Variants in PTPRZ1 observed in about 807,000 individuals in gnomAD.
PTPRZ1 encodes protein tyrosine phosphatase receptor type Z1.
A neutral mutation model predicts 214.1 loss-of-function variants in PTPRZ1; 82 were observed. The ratio of observed to expected loss-of-function variants is 0.38; its 90% CI spans 0.32 to 0.46. PTPRZ1 has a LOEUF of 0.46. Among genes scored for constraint, PTPRZ1 ranks in the 20% least tolerant of loss-of-function variants. The pLI is 1.00. For missense variants in PTPRZ1, 2,603 were observed against 2,748.7 expected (o/e 0.95, Z 1.19); for synonymous variants, 945 against 987.9 (o/e 0.96, Z 0.81).
At chr7:121,952,084 G>A (rs1207222448) in intron 2 of PTPRZ1, among the ~76,000 whole-genome samples, 1 of 151,642 alleles carries the variant, frequency 6.6e-6, no homozygotes, top group South Asian at 2.1e-4. Context: ...TCAGCCTCCC[G>A]AGTAGCTGGG....
intron 2 of PTPRZ1, among the ~76,000 whole-genome samples, chr7:121,938,284 A>AC (rs556045387): frequency 3.7e-4 from 56 of 152,128 alleles, no homozygotes; most frequent in African/African-American, 1.0e-3. Context: ...AAGAAATCTC[A>AC]CCCCCCCATA....
chr7:122,037,145 G>C (rs1799572385), intron 18 of PTPRZ1, among the ~76,000 whole-genome samples: 1 of 151,940 alleles, frequency 6.6e-6, no homozygotes, highest in African/African-American at 2.4e-5. Context: ...CGTTGTGGCG[G>C]GCGCCTGTAG....
At chr7:121,886,043 G>A (rs1469166725) in intron 1 of PTPRZ1, among the ~76,000 whole-genome samples, 2 of 152,112 alleles carry the variant, frequency 1.3e-5, no homozygotes, top group African/African-American at 4.8e-5. Context: ...GGGGAGTGCT[G>A]GTTTTTAAAA....
intron 2 of PTPRZ1, among the ~76,000 whole-genome samples, chr7:121,933,219 A>G (rs1436079796): frequency 6.6e-6 from 1 of 151,670 alleles, no homozygotes; most frequent in Non-Finnish European, 1.5e-5. Context: ...ACATAGCCCA[A>G]GATTATCCTA....
chr7:121,873,184 G>A lies in PTPRZ1; in HGVS notation c.-316G>A, dbSNP rs953661594. 4.9e-6 allele frequency: 2 copies of A among 409,590 alleles called. No individual in the cohort carries two copies. Among genetic ancestry groups the A allele is most frequent in the Non-Finnish European group, 8.6e-6 (2 of 232,912 alleles). 25.4% of individuals were successfully genotyped at this position (409,590 alleles called of 1,614,324 possible). A position where few individuals can be genotyped will look rare whatever the true frequency, so the allele number is the denominator to read the frequency against. ...TCAGACCGCGGCCGCCGCAGCCGGC[G>A]AAAGAGGCAAAGTCCCGCACGCCGG... On this transcript the variant is annotated 5_prime_UTR_variant, in exon 1 of 30. Coordinates refer to ENST00000393386, the MANE Select transcript of PTPRZ1 (RefSeq NM_002851.3).
intron 1 of PTPRZ1, among the ~76,000 whole-genome samples, chr7:121,912,785 A>G (rs1044153665): frequency 7.2e-5 from 11 of 152,118 alleles, no homozygotes; most frequent in African/African-American, 2.4e-4. Flanking sequence ...GGTGAAGAGG[A>G]GGGAACTTGC....
intron 1 of PTPRZ1, chr7:121,908,814 T>C (rs566267273): frequency 5.3e-5 from 26 of 490,460 alleles, no homozygotes; most frequent in Non-Finnish European, 1.0e-4. Flanking sequence ...TGAGATACTC[T>C]TGGATAAGGA....
At chr7:121,894,965 T>C (rs887211660) in intron 1 of PTPRZ1, among the ~76,000 whole-genome samples, 1 of 152,216 alleles carries the variant, frequency 6.6e-6, no homozygotes, top group Non-Finnish European at 1.5e-5. Flanking sequence ...AGTTAGTTCT[T>C]ACTTGAGAGT....
At chr7:122,023,407 T>G (rs1283729455) in intron 13 of PTPRZ1, among the ~76,000 whole-genome samples, 1 of 148,978 alleles carries the variant, frequency 6.7e-6, no homozygotes, top group East Asian at 1.9e-4. Flanking sequence ...CTAGATCATC[T>G]TTAAGATTGT....
chr7:122,030,156 A>G (rs1418068763), intron 14 of PTPRZ1, among the ~76,000 whole-genome samples: 1 of 152,054 alleles, frequency 6.6e-6, no homozygotes, highest in East Asian at 1.9e-4. Context: ...GAGTGTCAAA[A>G]GAGTGGTGAT....
In PTPRZ1 at chr7:121,940,044, C is replaced by T. The variant is rs1356859787; in HGVS notation, c.124+11823C>T. Among the ~76,000 whole-genome samples the T allele has an allele frequency of 2.6e-5, 4 of 152,196 alleles. No individual in the cohort carries two copies. In the South Asian group the frequency reaches 6.2e-4, roughly 24 times the overall value. ...GAAATCACTGTGCTCCAGCCTCTAC[C>T]GCATTCTTCCTGCTTTTGGACAGAA... On this transcript the variant is annotated intron_variant, in intron 2 of 29. Transcript: ENST00000393386.
At chr7:121,915,891 T>G (rs1393410612) in intron 1 of PTPRZ1, among the ~76,000 whole-genome samples, 2 of 152,220 alleles carry the variant, frequency 1.3e-5, no homozygotes, top group Non-Finnish European at 2.9e-5. Context: ...AAACATTTTT[T>G]TCTTTTTCCT....
At chr7:121,904,450 A>G (rs1453887298) in intron 1 of PTPRZ1, among the ~76,000 whole-genome samples, 2 of 152,136 alleles carry the variant, frequency 1.3e-5, no homozygotes, top group Non-Finnish European at 2.9e-5. Flanking sequence ...GCCCCCAAAG[A>G]TATTCACCTT....
At chr7:122,035,557 A>G (rs963020717) in intron 17 of PTPRZ1, among the ~76,000 whole-genome samples, 13 of 152,218 alleles carry the variant, frequency 8.5e-5, no homozygotes, top group African/African-American at 3.1e-4. Context: ...AAGATAGGAA[A>G]TTGTCCAATT....
chr7:122,057,110 C>G (rs1383864791), intron 27 of PTPRZ1, among the ~76,000 whole-genome samples: 1 of 151,874 alleles, frequency 6.6e-6, no homozygotes, highest in Non-Finnish European at 1.5e-5. Flanking sequence ...TAGTCACATG[C>G]AAAATTTCCT....
chr7:122,061,105 T>G lies in PTPRZ1; in HGVS notation c.6833T>G (p.Val2278Gly), dbSNP rs899896078. Reference sequence around the variant, plus strand: ...GAGCAGTATCAGTTTCTCTACAAAGTGATCCTCAGCCTTGTGAGCACAAGG... The same window carrying G: ...GAGCAGTATCAGTTTCTCTACAAAGGGATCCTCAGCCTTGTGAGCACAAGG... ...DIEQYQFLYK[V>G]ILSLVSTRQE... Residue 2278 changes from valine to glycine, a missense_variant, in exon 30 of 30, where the codon GTG (valine) becomes GGG (glycine). By Grantham distance (109) the Val-to-Gly change is moderately radical (BLOSUM62 -3). This residue lies in a region of PTPRZ1 where 165 missense variants were observed against 151.4 expected (regional missense o/e 1.09). Coordinates refer to ENST00000393386, the MANE Select transcript of PTPRZ1 (RefSeq NM_002851.3). 24 of 1,610,246 alleles carry G rather than the reference T, an allele frequency of 1.5e-5. No homozygotes were observed. Among genetic ancestry groups the G allele is most frequent in the Non-Finnish European group, 2.0e-5 (24 of 1,177,610 alleles).
intron 25 of PTPRZ1, among the ~76,000 whole-genome samples, chr7:122,053,480 C>T (rs550179115): frequency 1.3e-5 from 2 of 152,214 alleles, no homozygotes; most frequent in African/African-American, 4.8e-5. Flanking sequence ...GTGACTGAAC[C>T]CTGCTTCTGG....
intron 1 of PTPRZ1, among the ~76,000 whole-genome samples, chr7:121,900,875 A>G (rs1584617984): frequency 6.6e-6 from 1 of 152,218 alleles, no homozygotes; most frequent in Non-Finnish European, 1.5e-5. Flanking sequence ...TTTCTTGTAC[A>G]TGAACGATGT....
At chr7:122,023,373 C>A (rs1302151984) in intron 13 of PTPRZ1, among the ~76,000 whole-genome samples, 1 of 150,234 alleles carries the variant, frequency 6.7e-6, no homozygotes, top group African/African-American at 2.4e-5. Flanking sequence ...TTGGTTTCTC[C>A]TGTTTACCAT....
Sources: gnomAD v4.1 joint callset for allele counts (sites outside exome capture counted in the v4.1 genomes callset) on GRCh38, gnomAD v4.1.1 for gene constraint, gnomAD v4.1.1 regional missense constraint, MANE v1.5 for transcripts, NCBI Gene and HGNC (gene_info 2026-07-23, HGNC 2026-07-21) for gene names.